NPTN: variants seen among roughly 807,000 people sequenced by gnomAD.
The protein encoded by NPTN is neuroplastin, also known as SDR-1.
Under a neutral mutation model 42.7 loss-of-function variants are expected in NPTN, and 5 were observed. The observed-to-expected ratio is 0.12, with a 90% CI of 0.06 to 0.25. The LOEUF (loss-of-function observed/expected upper bound fraction) is 0.25, where lower values mean the gene tolerates loss of function less well. Among genes scored for constraint, NPTN ranks in the 10% least tolerant of loss-of-function variants. The pLI is 1.00. For synonymous variants in NPTN, 180 were observed against 201.9 expected (o/e 0.89, Z 0.92); for missense variants, 307 against 525.4 (o/e 0.58, Z 4.06).
At chr15:73,628,409 T>G (rs1898542321) in intron 1 of NPTN, among the ~76,000 whole-genome samples, 1 of 152,228 alleles carries the variant, frequency 6.6e-6, no homozygotes. Context: ...CTGCAAACAG[T>G]AAATTGAATA....
At chr15:73,576,257 G>C (rs1221778918) in intron 4 of NPTN, among the ~76,000 whole-genome samples, 1 of 152,246 alleles carries the variant, frequency 6.6e-6, no homozygotes, top group Non-Finnish European at 1.5e-5. Context: ...TTTGTGATGA[G>C]ATGAACTTTA....
Position 73,561,888 on chromosome 15 carries a change from A to ATACT in NPTN, c.*14+4_*14+7dup. ...ATTTTTAAGACTGCTACAGAAGGCCATACTTACATTGTAAGCAGTACTTAA... is the reference window on the plus strand; with the variant it reads ...ATTTTTAAGACTGCTACAGAAGGCCATACTTACTTACATTGTAAGCAGTACTTAA... On this transcript the variant is annotated splice_region_variant and intron_variant, in intron 8 of 8. Transcript: ENST00000345330. 1 of 1,589,830 alleles carries ATACT rather than the reference A, an allele frequency of 6.3e-7. No individual in the cohort carries two copies. The highest frequency in any genetic ancestry group is 8.6e-7 in the Non-Finnish European group (1 of 1,162,026).
chr15:73,632,573 C>T (rs894466109), intron 1 of NPTN: 1 of 152,426 alleles, frequency 6.6e-6, no homozygotes, highest in Admixed American at 6.6e-5. Context: ...TTCTTTACCC[C>T]CTCCTTTGGT....
At chr15:73,611,086 A>G (rs980398378) in intron 1 of NPTN, among the ~76,000 whole-genome samples, 4 of 152,352 alleles carry the variant, frequency 2.6e-5, no homozygotes, top group African/African-American at 9.6e-5. Context: ...AATTATTTAT[A>G]CAGTTACACT....
At chr15:73,566,563 G>C (rs1181213582) in intron 6 of NPTN, among the ~76,000 whole-genome samples, 1 of 152,192 alleles carries the variant, frequency 6.6e-6, no homozygotes, top group Non-Finnish European at 1.5e-5. Context: ...CAGCAACTAA[G>C]TGGGTTCACT....
intron 1 of NPTN, among the ~76,000 whole-genome samples, chr15:73,624,110 T>G (rs1345926674): frequency 2.0e-5 from 3 of 152,216 alleles, no homozygotes; most frequent in Non-Finnish European, 4.4e-5. Context: ...TCCTAAATCT[T>G]AAGCTACCAT....
At chr15:73,593,954 T>A (rs1896714789) in intron 2 of NPTN, among the ~76,000 whole-genome samples, 1 of 151,918 alleles carries the variant, frequency 6.6e-6, no homozygotes, top group African/African-American at 2.4e-5. Context: ...CCTTAAGAAG[T>A]CGAGCAGAAC....
intron 4 of NPTN, among the ~76,000 whole-genome samples, chr15:73,580,469 TTA>T (rs1398907560): frequency 2.2e-5 from 3 of 135,266 alleles, no homozygotes; most frequent in Non-Finnish European, 3.1e-5. Flanking sequence ...CAAAATATAT[TTA>T]TATATACATA....
At chr15:73,632,582 G>C (rs918383741) in intron 1 of NPTN, 1 of 151,842 alleles carries the variant, frequency 6.6e-6, no homozygotes, top group Non-Finnish European at 1.5e-5. Context: ...CCCTCCTTTG[G>C]TCTCTAGTAC....
At chr15:73,601,173 T>C (rs1426876081) in intron 1 of NPTN, among the ~76,000 whole-genome samples, 1 of 152,192 alleles carries the variant, frequency 6.6e-6, no homozygotes, top group Non-Finnish European at 1.5e-5. Flanking sequence ...CAGTTAATCC[T>C]GAGTGGGGCT....
intron 1 of NPTN, among the ~76,000 whole-genome samples, chr15:73,602,907 G>A (rs1181717710): frequency 6.6e-6 from 1 of 152,090 alleles, no homozygotes; most frequent in African/African-American, 2.4e-5. Context: ...TCTAAACCAG[G>A]GTCCACCCTT....
At chr15:73,583,326 C>G (rs7166673) in intron 4 of NPTN, among the ~76,000 whole-genome samples, 2 of 152,084 alleles carry the variant, frequency 1.3e-5, no homozygotes, top group Non-Finnish European at 2.9e-5. Context: ...CTTAGGAGCA[C>G]AGGATCTAGT....
At chr15:73,586,901 T>C (rs570332356) in intron 4 of NPTN, among the ~76,000 whole-genome samples, 22 of 152,326 alleles carry the variant, frequency 1.4e-4, no homozygotes, top group Admixed American at 1.3e-3. Flanking sequence ...CTCAGATGCT[T>C]CTTTGAAATA....
intron 1 of NPTN, among the ~76,000 whole-genome samples, chr15:73,620,523 A>C (rs1010625872): frequency 3.9e-5 from 6 of 152,228 alleles, no homozygotes; most frequent in Non-Finnish European, 8.8e-5. Context: ...GCAACATCCC[A>C]CAAAGTAAGG....
chr15:73,605,514 AG>A (rs895505528), intron 1 of NPTN, among the ~76,000 whole-genome samples: 1 of 152,110 alleles, frequency 6.6e-6, no homozygotes, highest in Non-Finnish European at 1.5e-5. Flanking sequence ...AGATCACCTG[AG>A]GTCAGGAGTT....
chr15:73,586,821 C>T (rs904611437), intron 4 of NPTN, among the ~76,000 whole-genome samples: 2 of 152,162 alleles, frequency 1.3e-5, no homozygotes, highest in African/African-American at 4.8e-5. Context: ...GGGTCAAGAC[C>T]TGTGTTCTAG....
chr15:73,624,470 C>T (rs1484181283), intron 1 of NPTN, among the ~76,000 whole-genome samples: 1 of 152,158 alleles, frequency 6.6e-6, no homozygotes, highest in East Asian at 1.9e-4. Context: ...ACCTGCTAAA[C>T]TCGTATAATC....
chr15:73,616,320 T>C (rs1897859148), intron 1 of NPTN, among the ~76,000 whole-genome samples: 1 of 152,124 alleles, frequency 6.6e-6, no homozygotes, highest in Non-Finnish European at 1.5e-5. Context: ...CCCTAAAGAT[T>C]CTTTGGAACA....
At chr15:73,563,091 T>C in intron 7 of NPTN, 145 bp downstream of exon 7, 1 of 640,734 alleles carries the variant, frequency 1.6e-6, no homozygotes, top group Non-Finnish European at 2.8e-6. Context: ...TAGTCAGATC[T>C]GTGTCAAGCT....
Sources: gnomAD v4.1 joint callset for allele counts (sites outside exome capture counted in the v4.1 genomes callset) on GRCh38, gnomAD v4.1.1 for gene constraint, MANE v1.5 for transcripts, NCBI Gene and HGNC (gene_info 2026-07-23, HGNC 2026-07-21) for gene names.